The following RAP2A variants were observed in gnomAD, a reference collection of about 807,000 sequenced individuals.
RAP2A encodes ras-related protein Rap-2a.
In RAP2A, 5 loss-of-function variants were observed where a neutral mutation model predicts 15.1. That is an observed-to-expected ratio of 0.33 (90% CI 0.17 to 0.70). The LOEUF is 0.70. RAP2A is among the 30% of genes least tolerant of loss of function. RAP2A has a pLI of 0.68. For missense variants in RAP2A, 111 were observed against 240.3 expected (o/e 0.46, Z 3.56); for synonymous variants, 110 against 99.7 (o/e 1.10, Z -0.62).
At position 97,466,491 on chromosome 13, in the gene RAP2A, T is replaced by C. The variant is rs1172615135; in HGVS notation, c.*2049T>C. ...TGATTTCTCTATGGAAATAAAAATA[T>C]TTGTTAGTGAATTGGTTGAGTTTTG... On this transcript the variant is annotated 3_prime_UTR_variant, in exon 2 of 2. Transcript: ENST00000245304. The C allele has an allele frequency of 6.6e-6, 1 of 152,216 alleles. No individual in the cohort carries two copies. The highest frequency in any genetic ancestry group is 1.5e-5 in the Non-Finnish European group (1 of 68,034). 9.4% of individuals were successfully genotyped at this position (152,216 alleles called of 1,614,324 possible). A position where few individuals can be genotyped will look rare whatever the true frequency, so the allele number is the denominator to read the frequency against.
Position 97,467,345 on chromosome 13 carries a change from T to G in RAP2A, c.*2903T>G, listed in dbSNP as rs2066776570. The G allele has an allele frequency of 6.6e-6, 1 of 152,618 alleles. No homozygotes were observed. Among genetic ancestry groups the G allele is most frequent in the South Asian group, 2.1e-4 (1 of 4,834 alleles). 9.5% of individuals were successfully genotyped at this position (152,618 alleles called of 1,614,324 possible). ...AAACTATTGAAAGGTGCTTTGATGATTTTCTCCTTTGGTTTGTAGAATTAG... is the reference window on the plus strand; with the variant it reads ...AAACTATTGAAAGGTGCTTTGATGAGTTTCTCCTTTGGTTTGTAGAATTAG... On this transcript the variant is annotated 3_prime_UTR_variant, in exon 2 of 2. Transcript: ENST00000245304.
intron 1 of RAP2A, among the ~76,000 whole-genome samples, chr13:97,460,978 T>C (rs2066744136): frequency 2.0e-5 from 3 of 152,166 alleles, no homozygotes; most frequent in South Asian, 2.1e-4. Flanking sequence ...TCCGGCTCCT[T>C]CTTCACCCTT....
At chr13:97,443,169 C>A (rs1050088987) in intron 1 of RAP2A, among the ~76,000 whole-genome samples, 5 of 152,146 alleles carry the variant, frequency 3.3e-5, no homozygotes, top group African/African-American at 1.2e-4. Flanking sequence ...ATTCACCTCT[C>A]CCTGTAAGAC....
In RAP2A at chr13:97,450,484, C is replaced by T. The variant is rs1033552879; in HGVS notation, c.315-13721C>T. Among the ~76,000 whole-genome samples, 4 of 151,912 alleles carry T rather than the reference C, an allele frequency of 2.6e-5. No homozygotes were observed. The South Asian group carries it at 8.3e-4, about 31-fold the overall frequency. On this transcript the variant is annotated intron_variant, in intron 1 of 1. Coordinates refer to ENST00000245304, the MANE Select transcript of RAP2A (RefSeq NM_021033.7). ...GCTGTGTGTTCTCCATATATGTGCC[C>T]GAGCTTCAGTTTTCCTTACTATTTA...
intron 1 of RAP2A, 133 bp from the exon 2 acceptor site, chr13:97,464,072 G>A (rs2139043346): frequency 1.3e-6 from 1 of 758,482 alleles, no homozygotes; most frequent in South Asian, 1.7e-5. Context: ...CAAGCCAAGT[G>A]GTACAAATCA....
At chr13:97,441,800 A>G (rs1489178625) in intron 1 of RAP2A, 2 of 445,946 alleles carry the variant, frequency 4.5e-6, no homozygotes, top group East Asian at 7.2e-5. Flanking sequence ...TAAGTACTCT[A>G]AGTTTTTTTG....
At chr13:97,454,556 C>T (rs2066714962) in intron 1 of RAP2A, among the ~76,000 whole-genome samples, 1 of 151,200 alleles carries the variant, frequency 6.6e-6, no homozygotes, top group South Asian at 2.1e-4. Context: ...AAAGAGCTTA[C>T]AACCATGTAG....
intron 1 of RAP2A, among the ~76,000 whole-genome samples, chr13:97,445,227 C>G (rs1594323498): frequency 6.6e-6 from 1 of 152,178 alleles, no homozygotes; most frequent in South Asian, 2.1e-4. Context: ...TCCTCCCTAT[C>G]TAAAATATAA....
rs1023020641 is a variant in RAP2A at position 97,465,748 on chromosome 13, T to C, written c.*1306T>C. 9.2e-5 allele frequency: 14 copies of C among 152,346 alleles called. No individual in the cohort carries two copies. Among genetic ancestry groups the C allele is most frequent in the African/African-American group, 2.2e-4 (9 of 41,580 alleles). The allele number at this position is 152,346 out of a possible 1,614,324, so 9.4% of individuals were successfully genotyped here. A position where few individuals can be genotyped will look rare whatever the true frequency, so the allele number is the denominator to read the frequency against. On this transcript the variant is annotated 3_prime_UTR_variant, in exon 2 of 2. Coordinates refer to ENST00000245304, the MANE Select transcript of RAP2A (RefSeq NM_021033.7). Reference sequence around the variant, plus strand: ...ATTTTTGGTTTTCATAGTCGTGAAGTATTTATCATTTGCATGACTAATGGC... The same window carrying C: ...ATTTTTGGTTTTCATAGTCGTGAAGCATTTATCATTTGCATGACTAATGGC...
In RAP2A at chr13:97,467,260, G is replaced by A. The variant is rs2066776090; in HGVS notation, c.*2818G>A. On this transcript the variant is annotated 3_prime_UTR_variant, in exon 2 of 2. Transcript: ENST00000245304. ...GATGGTAACTGATGCCTTTCATTTT[G>A]TTCAACTTATACAAAACAAGCCAGC... The A allele has an allele frequency of 6.6e-6, 1 of 152,082 alleles. No individual in the cohort carries two copies. Among genetic ancestry groups the A allele is most frequent in the South Asian group, 2.1e-4 (1 of 4,800 alleles). The allele number at this position is 152,082 out of a possible 1,614,324, so 9.4% of individuals were successfully genotyped here.
At chr13:97,443,351 C>T (rs1444250950) in intron 1 of RAP2A, among the ~76,000 whole-genome samples, 3 of 152,120 alleles carry the variant, frequency 2.0e-5, no homozygotes, top group Non-Finnish European at 4.4e-5. Context: ...AGTATTTTCT[C>T]TACTAAGTAT....
At chr13:97,461,977 T>C (rs1381583778) in intron 1 of RAP2A, among the ~76,000 whole-genome samples, 1 of 144,000 alleles carries the variant, frequency 6.9e-6, no homozygotes, top group Admixed American at 7.0e-5. Flanking sequence ...AAAAAATATA[T>C]ATATATATAT....
rs538050764 is a variant in RAP2A at position 97,466,264 on chromosome 13, C to T, written c.*1822C>T. 6.7e-6 allele frequency: 1 copy of T among 150,344 alleles called. No individual in the cohort carries two copies. The highest frequency in any genetic ancestry group is 2.5e-5 in the African/African-American group (1 of 40,732). 9.3% of individuals were successfully genotyped at this position (150,344 alleles called of 1,614,324 possible). On this transcript the variant is annotated 3_prime_UTR_variant, in exon 2 of 2. Transcript: ENST00000245304. ...TCATAATGAAAAAACTGAAGAGATA[C>T]GTGAATGAAACCAGGCCATAGCTGT...
At chr13:97,441,284 TATACTA>T (rs1174459119) in intron 1 of RAP2A, among the ~76,000 whole-genome samples, 1 of 152,142 alleles carries the variant, frequency 6.6e-6, no homozygotes, top group Non-Finnish European at 1.5e-5. Flanking sequence ...AAGGAATAAT[TATACTA>T]ATACTTATTT....
rs1438484555 is a variant in RAP2A, at chr13:97,460,716, CTTAGA to C, written c.315-3488_315-3484del. On this transcript the variant is annotated intron_variant, in intron 1 of 1. Coordinates refer to ENST00000245304, the MANE Select transcript of RAP2A (RefSeq NM_021033.7). ...TTCTGTCACCCCAATCCAGAGCCTTCTTAGAATGCCTTTCCCACAGGGGCCAGTAT... is the reference window on the plus strand; with the variant it reads ...TTCTGTCACCCCAATCCAGAGCCTTCATGCCTTTCCCACAGGGGCCAGTAT... 4.9e-4 allele frequency among the ~76,000 whole-genome samples: 74 copies of C among 152,138 alleles called. 4 individuals carry two copies. Among genetic ancestry groups the C allele is most frequent in the Admixed American group, 4.8e-3 (73 of 15,274 alleles).
chr13:97,449,390 T>G (rs2153179674), intron 1 of RAP2A, among the ~76,000 whole-genome samples: 1 of 152,288 alleles, frequency 6.6e-6, no homozygotes, highest in East Asian at 1.9e-4. Flanking sequence ...GAAAGCGTTT[T>G]TGTAGTGGGA....
chr13:97,439,275 G>A (rs2066646850), intron 1 of RAP2A, among the ~76,000 whole-genome samples: 1 of 152,202 alleles, frequency 6.6e-6, no homozygotes, highest in African/African-American at 2.4e-5. Context: ...GCAATATGTA[G>A]TGATATGGTA....
In RAP2A at chr13:97,449,726, AT is replaced by A. The variant is rs5806015; in HGVS notation, c.315-14469del. On this transcript the variant is annotated intron_variant, in intron 1 of 1. Transcript: ENST00000245304. Reference sequence around the variant, plus strand: ...CCTTTCTTCATTGTGCATTTGTTTTATTTTTTTTTTCCATGTCATCTGTTAC... The same window carrying A: ...CCTTTCTTCATTGTGCATTTGTTTTATTTTTTTTTCCATGTCATCTGTTAC... 5.7e-3 allele frequency among the ~76,000 whole-genome samples: 850 copies of A among 150,168 alleles called. 8 individuals carry two copies. Among genetic ancestry groups the A allele is most frequent in the African/African-American group, 0.019 (786 of 40,882 alleles).
chr13:97,440,066 G>A lies in RAP2A; in HGVS notation c.314+5282G>A, dbSNP rs975138602. On this transcript the variant is annotated intron_variant, in intron 1 of 1. Coordinates refer to ENST00000245304, the MANE Select transcript of RAP2A (RefSeq NM_021033.7). ...ATAGATCTTTGGCCCATGACAGTTT[G>A]GTGCTGGAGAGCCGAAACGAGAGTA... Among the ~76,000 whole-genome samples, 19 of 152,176 alleles carry A rather than the reference G, an allele frequency of 1.2e-4. 1 individual carries two copies. The highest frequency in any genetic ancestry group is 4.3e-4 in the African/African-American group (18 of 41,512).
Sources: gnomAD v4.1 joint callset for allele counts (sites outside exome capture counted in the v4.1 genomes callset) on GRCh38, gnomAD v4.1.1 for gene constraint, MANE v1.5 for transcripts, NCBI Gene and HGNC (gene_info 2026-07-23, HGNC 2026-07-21) for gene names.